The following NMT1 variants were observed in gnomAD, a reference collection of about 807,000 sequenced individuals.
NMT1 encodes glycylpeptide N-tetradecanoyltransferase 1.
Under a neutral mutation model 63.4 loss-of-function variants are expected in NMT1, and 12 were observed. The observed-to-expected ratio is 0.19, with a 90% CI of 0.12 to 0.31. The LOEUF (loss-of-function observed/expected upper bound fraction) is 0.31, where lower values mean the gene tolerates loss of function less well. Among genes scored for constraint, NMT1 ranks in the 10% least tolerant of loss-of-function variants. The pLI, the probability that NMT1 is intolerant of heterozygous loss-of-function variation, is 1.00. For synonymous variants in NMT1, 228 were observed against 234.3 expected (o/e 0.97, Z 0.25); for missense variants, 432 against 634.6 (o/e 0.68, Z 3.43).
rs903111529 is a variant in NMT1, at chr17:45,068,952, T to C, written c.131+7492T>C. On this transcript the variant is annotated intron_variant, in intron 1 of 11. Coordinates refer to ENST00000258960, the MANE Select transcript of NMT1 (RefSeq NM_021079.5). The stretch of plus-strand genomic sequence containing the variant: ...GGCGTGAGCCACCATGCCTGGACTT[T>C]AGTTTTTTGTTTTTTTGGGTTTTTT... Among the ~76,000 whole-genome samples, 4 of 142,860 alleles carry C rather than the reference T, an allele frequency of 2.8e-5. No individual in the cohort carries two copies. The East Asian group carries it at 8.5e-4, about 30-fold the overall frequency. 93.7% of individuals were successfully genotyped at this position (142,860 alleles called of 152,430 possible).
Position 45,105,716 on chromosome 17 carries a change from A to G in NMT1, c.*77A>G, listed in dbSNP as rs1037729069. On this transcript the variant is annotated 3_prime_UTR_variant, in exon 12 of 12. Transcript: ENST00000258960. This position sits in a 1 kb window ranked among gnomAD's most constrained non-coding sequence, Gnocchi z 4.2. ...ATGGAACCCCACCACTGTTGGTCCAATTTTCACACACGTGAGAATCCCTGG... is the reference window on the plus strand; with the variant it reads ...ATGGAACCCCACCACTGTTGGTCCAGTTTTCACACACGTGAGAATCCCTGG... 9.9e-6 allele frequency: 14 copies of G among 1,417,502 alleles called. No individual in the cohort carries two copies. The highest frequency in any genetic ancestry group is 4.7e-5 in the East Asian group (2 of 42,788). The allele number at this position is 1,417,502 out of a possible 1,614,324, so 87.8% of individuals were successfully genotyped here. A position where few individuals can be genotyped will look rare whatever the true frequency, so the allele number is the denominator to read the frequency against.
rs557305891 is a variant in NMT1 at position 45,074,639 on chromosome 17, C to T, written c.132-7005C>T. Among the ~76,000 whole-genome samples, 82 of 152,272 alleles carry T rather than the reference C, an allele frequency of 5.4e-4. 1 individual carries two copies. The highest frequency in any genetic ancestry group is 3.5e-4 in the Non-Finnish European group (24 of 68,014). ...AGTTGATCAACTTTAGAATATAAGT[C>T]TCACAATTTTTGTATGAACTGCCAT... On this transcript the variant is annotated intron_variant, in intron 1 of 11. Transcript: ENST00000258960.
intron 7 of NMT1, 102 bp downstream of exon 7, chr17:45,098,654 C>A (rs2054141805): frequency 9.0e-7 from 1 of 1,116,942 alleles, no homozygotes; most frequent in South Asian, 1.4e-5. Context: ...AGCATCCCAC[C>A]TCTGGCGTAT....
rs996824889 is a variant in NMT1 at position 45,105,299 on chromosome 17, G to T, written c.1470+303G>T. On this transcript the variant is annotated intron_variant, in intron 11 of 11. Transcript: ENST00000258960. The surrounding 1 kb of genome is among the most constrained non-coding windows in gnomAD (Gnocchi z 4.2). ...TGCCCACGGTTTGCCAGGAGGGTAG[G>T]GCTGGGGGAACTCTGAGGAGGTTTC... 6.6e-6 allele frequency among the ~76,000 whole-genome samples: 1 copy of T among 152,176 alleles called. No individual in the cohort carries two copies. Among genetic ancestry groups the T allele is most frequent in the Non-Finnish European group, 1.5e-5 (1 of 68,016 alleles).
intron 2 of NMT1, among the ~76,000 whole-genome samples, chr17:45,082,505 T>C (rs559073350): frequency 1.3e-5 from 2 of 152,312 alleles, no homozygotes; most frequent in East Asian, 3.9e-4. Context: ...CCACAGAGTC[T>C]TTCTGAGTTC....
intron 1 of NMT1, among the ~76,000 whole-genome samples, chr17:45,074,940 A>C (rs1278353518): frequency 6.6e-6 from 1 of 152,202 alleles, no homozygotes; most frequent in Non-Finnish European, 1.5e-5. Flanking sequence ...CCAGCCAGGC[A>C]CGGTGGCTCA....
chr17:45,093,509 T>C (rs2054102661), intron 3 of NMT1, 176 bp from the exon 4 acceptor site: 2 of 570,650 alleles, frequency 3.5e-6, no homozygotes, highest in Admixed American at 6.5e-5. Context: ...GAATTGGCCC[T>C]CAGTTAGGGG....
chr17:45,098,265 TA>T (rs1175319973), intron 6 of NMT1, 116 bp from the exon 7 acceptor site: 3 of 943,198 alleles, frequency 3.2e-6, no homozygotes, highest in Non-Finnish European at 4.9e-6. Context: ...AGGTGGCAGC[TA>T]AAAGTACACC....
At chr17:45,099,265 G>A in intron 7 of NMT1, 140 bp from the exon 8 acceptor site, 1 of 654,728 alleles carries the variant, frequency 1.5e-6, no homozygotes, top group South Asian at 1.8e-5. Flanking sequence ...GGAGGCTGGA[G>A]AGCAGGGTGA....
rs907746400 is a variant in NMT1, at chr17:45,103,484, C to T, written c.1165-225C>T. On this transcript the variant is annotated intron_variant, in intron 9 of 11. Coordinates refer to ENST00000258960, the MANE Select transcript of NMT1 (RefSeq NM_021079.5). The surrounding 1 kb of genome is among the most constrained non-coding windows in gnomAD (Gnocchi z 4.8). ...TGCAAGAAGAGGTCCCTGGCGGTGC[C>T]CATGCTGGGAAAGAGGTCTGGCAGG... Among the ~76,000 whole-genome samples the T allele has an allele frequency of 7.9e-5, 12 of 152,128 alleles. No homozygotes were observed. Among genetic ancestry groups the T allele is most frequent in the Non-Finnish European group, 1.5e-4 (10 of 68,036 alleles).
At chr17:45,102,294 G>C (rs150213545) in intron 8 of NMT1, among the ~76,000 whole-genome samples, 2 of 152,212 alleles carry the variant, frequency 1.3e-5, no homozygotes, top group South Asian at 2.1e-4. Context: ...TACCAGCCCC[G>C]GTATTTGCTC....
intron 1 of NMT1, chr17:45,061,724 T>C: frequency 2.7e-6 from 1 of 366,364 alleles, no homozygotes; most frequent in South Asian, 3.6e-5. Context: ...AGGCCATTCC[T>C]GGGAAAAGAG....
chr17:45,066,254 G>A (rs1265246226), intron 1 of NMT1, among the ~76,000 whole-genome samples: 3 of 151,810 alleles, frequency 2.0e-5, no homozygotes, highest in Admixed American at 6.6e-5. Flanking sequence ...GGGTTTCACC[G>A]TTGTTGCCCA....
chr17:45,080,497 C>CT (rs1432922889), intron 1 of NMT1, among the ~76,000 whole-genome samples: 2 of 111,618 alleles, frequency 1.8e-5, no homozygotes, highest in African/African-American at 7.2e-5. Context: ...GAGACAGAGT[C>CT]TCGCTTTGTC....
At position 45,061,455 on chromosome 17, in the gene NMT1, C is replaced by T. The variant is rs766535198; in HGVS notation, c.126C>T (p.Asn42=). 42 of 1,612,448 alleles carry T rather than the reference C, an allele frequency of 2.6e-5. No individual in the cohort carries two copies. Among genetic ancestry groups the T allele is most frequent in the South Asian group, 1.1e-4 (10 of 90,876 alleles). Reference sequence around the variant, plus strand: ...AGAATGAGGAGGACAACAGCTACAACCGGGGGTAACGAAATCCTCGGAGTC... The same window carrying T: ...AGAATGAGGAGGACAACAGCTACAATCGGGGGTAACGAAATCCTCGGAGTC... ...DCENEEDNSY[N]RGGLSPANDT... is the part of the protein sequence containing the mutation. Residue 42 remains asparagine, a synonymous_variant, in exon 1 of 12, where the codon AAC becomes AAT. Transcript: ENST00000258960.
chr17:45,094,514 CAG>C (rs1360251843), intron 4 of NMT1, among the ~76,000 whole-genome samples: 1 of 148,636 alleles, frequency 6.7e-6, no homozygotes, highest in South Asian at 2.2e-4. Flanking sequence ...AAAAAGTCAA[CAG>C]AATTTTTTTT....
chr17:45,089,757 G>A (rs1598013145), intron 3 of NMT1, among the ~76,000 whole-genome samples: 1 of 152,138 alleles, frequency 6.6e-6, no homozygotes, highest in East Asian at 1.9e-4. Flanking sequence ...TCCCACCTTA[G>A]CCTCCTGAGT....
intron 1 of NMT1, among the ~76,000 whole-genome samples, chr17:45,068,226 C>T (rs921546749): frequency 6.6e-6 from 1 of 152,210 alleles, no homozygotes. Context: ...TGTCCCAGCA[C>T]TTTGAGAGGC....
intron 3 of NMT1, among the ~76,000 whole-genome samples, chr17:45,093,089 C>T (rs193089397): frequency 3.3e-5 from 5 of 152,310 alleles, no homozygotes; most frequent in Non-Finnish European, 4.4e-5. Flanking sequence ...GGTGACTTCC[C>T]GGCAGCACTA....
Sources: gnomAD v4.1 joint callset for allele counts (sites outside exome capture counted in the v4.1 genomes callset) on GRCh38, gnomAD v4.1.1 for gene constraint, Gnocchi (gnomAD v3.1) non-coding constraint, MANE v1.5 for transcripts, NCBI Gene and HGNC (gene_info 2026-07-23, HGNC 2026-07-21) for gene names.